The following TSHZ3 variants were observed in gnomAD, a reference collection of about 807,000 sequenced individuals.
The protein encoded by TSHZ3 is teashirt homolog 3.
In TSHZ3, 10 loss-of-function variants were observed where a neutral mutation model predicts 64.5. The observed-to-expected ratio is 0.16, with a 90% CI of 0.10 to 0.26. The LOEUF is 0.26. Among genes scored for constraint, TSHZ3 ranks in the 10% least tolerant of loss-of-function variants. TSHZ3 has a pLI of 1.00. For synonymous variants in TSHZ3, 608 were observed against 593.1 expected (o/e 1.03, Z -0.36); for missense variants, 1,242 against 1,421.7 (o/e 0.87, Z 2.03).
chr19:31,336,411 G>T (rs539202558), intron 1 of TSHZ3, among the ~76,000 whole-genome samples: 1 of 152,116 alleles, frequency 6.6e-6, no homozygotes, highest in Admixed American at 6.5e-5. Flanking sequence ...GGGACCACAC[G>T]GAGACAGATT....
chr19:31,311,237 G>A (rs536308922), intron 1 of TSHZ3, among the ~76,000 whole-genome samples: 1 of 152,344 alleles, frequency 6.6e-6, no homozygotes, highest in East Asian at 1.9e-4. Flanking sequence ...GGGGTCTGAA[G>A]GCTGAAGGGG....
chr19:31,310,717 C>A (rs1209852812), intron 1 of TSHZ3, among the ~76,000 whole-genome samples: 2 of 152,202 alleles, frequency 1.3e-5, no homozygotes, highest in Non-Finnish European at 2.9e-5. Context: ...AGGACTTGAG[C>A]AAGCTACAAA....
rs532751467 is a variant in TSHZ3, at chr19:31,218,170, C to A, written n.686+9835G>T. Among the ~76,000 whole-genome samples, 60 of 152,288 alleles carry A rather than the reference C, an allele frequency of 3.9e-4. 1 individual carries two copies. Among genetic ancestry groups the A allele is most frequent in the Middle Eastern group, 3.4e-3 (1 of 294 alleles). On this transcript the variant is annotated intron_variant and non_coding_transcript_variant, in intron 4 of 6. Coordinates refer to the TSHZ3 transcript ENST00000651361. ...TATTATCTGAAAAAGGCCTGCTATC[C>A]AAAGTGTACAAGAACACTTAAAACT...
chr19:31,317,539 G>T (rs1195255345), intron 1 of TSHZ3, among the ~76,000 whole-genome samples: 1 of 152,172 alleles, frequency 6.6e-6, no homozygotes, highest in African/African-American at 2.4e-5. Flanking sequence ...AGCACAGCAA[G>T]GATCACAGAA....
intron 1 of TSHZ3, among the ~76,000 whole-genome samples, chr19:31,321,791 A>G (rs1916779647): frequency 6.6e-6 from 1 of 152,074 alleles, no homozygotes; most frequent in Admixed American, 6.5e-5. Flanking sequence ...TTTTATATAT[A>G]TTATGTATGA....
At chr19:31,210,723 A>G (rs1027093386) in intron 4 of TSHZ3, among the ~76,000 whole-genome samples, 2 of 152,188 alleles carry the variant, frequency 1.3e-5, no homozygotes, top group Non-Finnish European at 2.9e-5. Flanking sequence ...TTCTACGAGA[A>G]ACCTCAACAG....
In TSHZ3 at chr19:31,172,229, T is replaced by G. The variant is rs375939936; in HGVS notation, n.810-15812A>C. ...ACTCTCTGCTACTGACAGCATCAAC[T>G]TAGTGACAACCAGCAAGTTGTAGAT... On this transcript the variant is annotated intron_variant and non_coding_transcript_variant, in intron 5 of 6. Coordinates refer to the TSHZ3 transcript ENST00000651361. 2.7e-3 allele frequency among the ~76,000 whole-genome samples: 408 copies of G among 152,286 alleles called. 2 individuals carry two copies. Among genetic ancestry groups the G allele is most frequent in the African/African-American group, 9.7e-3 (402 of 41,566 alleles).
intron 3 of TSHZ3, among the ~76,000 whole-genome samples, chr19:31,239,914 C>G (rs1008729654): frequency 6.6e-6 from 1 of 152,134 alleles, no homozygotes; most frequent in African/African-American, 2.4e-5. Flanking sequence ...GAAAAGTCAA[C>G]AGTAAGTTAT....
chr19:31,239,247 G>T (rs1338384646), intron 3 of TSHZ3, among the ~76,000 whole-genome samples: 2 of 151,706 alleles, frequency 1.3e-5, no homozygotes, highest in Non-Finnish European at 1.5e-5. Context: ...TATGTTAAAG[G>T]TCACTCTACA....
chr19:31,295,649 C>A (rs1976648277), intron 1 of TSHZ3, among the ~76,000 whole-genome samples: 1 of 152,156 alleles, frequency 6.6e-6, no homozygotes, highest in African/African-American at 2.4e-5. Context: ...AATCCTGGAA[C>A]ACGAAATGTT....
At chr19:31,244,736 C>T (rs1409909183) in intron 1 of TSHZ3, among the ~76,000 whole-genome samples, 5 of 152,086 alleles carry the variant, frequency 3.3e-5, no homozygotes, top group East Asian at 3.9e-4. Flanking sequence ...CTCGACATCC[C>T]GGGTTCAAGT....
At chr19:31,257,238 C>T (rs887607895) in intron 1 of TSHZ3, among the ~76,000 whole-genome samples, 6 of 152,126 alleles carry the variant, frequency 3.9e-5, no homozygotes, top group African/African-American at 9.7e-5. Flanking sequence ...GGGAGCAGGA[C>T]GGTGCCGTGG....
At chr19:31,270,582 T>G (rs1976122103), downstream of TSHZ3, among the ~76,000 whole-genome samples, 1 of 152,234 alleles carries the variant, frequency 6.6e-6, no homozygotes, top group African/African-American at 2.4e-5. Flanking sequence ...CCCAAAGGGT[T>G]GCGATTACGG....
intron 1 of TSHZ3, among the ~76,000 whole-genome samples, chr19:31,322,745 T>C (rs756658501): frequency 1.3e-5 from 2 of 152,162 alleles, no homozygotes; most frequent in Non-Finnish European, 2.9e-5. Flanking sequence ...AATGGATGAA[T>C]GAGTGAAGGA....
At chr19:31,151,191 TGTAA>T (rs1437473844) in exon 7 of TSHZ3, among the ~76,000 whole-genome samples, 8 of 152,210 alleles carry the variant, frequency 5.3e-5, no homozygotes, top group Non-Finnish European at 1.0e-4. Context: ...TGCATGGCAG[TGTAA>T]GTGACGGGAA....
At chr19:31,191,814 G>A (rs917130242) in intron 5 of TSHZ3, among the ~76,000 whole-genome samples, 3 of 152,202 alleles carry the variant, frequency 2.0e-5, no homozygotes, top group Non-Finnish European at 2.9e-5. Context: ...AGCCATGATC[G>A]CACCACTGCA....
chr19:31,330,145 G>A (rs1917039432), intron 1 of TSHZ3, among the ~76,000 whole-genome samples: 1 of 150,026 alleles, frequency 6.7e-6, no homozygotes, highest in Non-Finnish European at 1.5e-5. Context: ...ATTCATAAAA[G>A]CTGCTGTGTG....
At chr19:31,295,224 C>T (rs1036687748) in intron 1 of TSHZ3, among the ~76,000 whole-genome samples, 1 of 152,222 alleles carries the variant, frequency 6.6e-6, no homozygotes. Flanking sequence ...ACTGTTACAA[C>T]CATTTTGAAA....
At chr19:31,305,405 G>A (rs1309377174) in intron 1 of TSHZ3, 1 of 151,906 alleles carries the variant, frequency 6.6e-6, no homozygotes, top group African/African-American at 2.4e-5. Flanking sequence ...TGCCTTTGAA[G>A]GGACAGGAAA....
Sources: allele counts gnomAD v4.1 joint callset (sites outside exome capture counted in the v4.1 genomes callset), GRCh38; gene constraint gnomAD v4.1.1; transcripts MANE v1.5; gene names NCBI Gene and HGNC (gene_info 2026-07-23, HGNC 2026-07-21).